Variants in CUBN observed in about 807,000 individuals in gnomAD.
CUBN encodes the protein 460 kDa receptor.
In CUBN, 282 loss-of-function variants were observed where a neutral mutation model predicts 405.3. The observed-to-expected ratio is 0.70, with a 90% confidence interval of 0.63 to 0.77. The LOEUF is 0.77. CUBN is among the 30% of genes least tolerant of loss of function. CUBN has a pLI of 0.00. For synonymous variants in CUBN, 1,684 were observed against 1,617.0 expected (o/e 1.04, Z -0.99); for missense variants, 4,514 against 4,475.2 (o/e 1.01, Z -0.25).
At chr10:17,120,466 A>G (rs1334138413) in intron 6 of CUBN, among the ~76,000 whole-genome samples, 1 of 152,258 alleles carries the variant, frequency 6.6e-6, no homozygotes, top group African/African-American at 2.4e-5. Flanking sequence ...GGCAGAGTCT[A>G]GGAATCAAGA....
intron 59 of CUBN, among the ~76,000 whole-genome samples, chr10:16,859,336 A>T (rs1839949377): frequency 6.6e-6 from 1 of 152,220 alleles, no homozygotes; most frequent in Admixed American, 6.5e-5. Flanking sequence ...ATATTTCACC[A>T]GAGAATAGAT....
intron 59 of CUBN, among the ~76,000 whole-genome samples, chr10:16,861,302 C>T (rs12573238): frequency 0.22 from 33,956 of 151,912 alleles, 4,607 homozygotes; most frequent in East Asian, 0.63. Flanking sequence ...GCTGGGACTA[C>T]AGGTGTGTGC....
intron 59 of CUBN, among the ~76,000 whole-genome samples, chr10:16,854,622 T>C (rs1484361343): frequency 1.3e-5 from 2 of 152,206 alleles, no homozygotes; most frequent in Admixed American, 1.3e-4. Flanking sequence ...CTGGGCATTA[T>C]TCTATTAATC....
intron 54 of CUBN, among the ~76,000 whole-genome samples, chr10:16,896,463 T>C (rs1256818056): frequency 6.6e-6 from 1 of 152,306 alleles, no homozygotes; most frequent in South Asian, 2.1e-4. Context: ...TTCCTTTGTT[T>C]CAGCACTTGA....
At position 17,085,755 on chromosome 10, in the gene CUBN, C is replaced by T. The variant is rs377078812; in HGVS notation, c.1952G>A (p.Arg651Gln). ...DDCNKDYLEI[R>Q]DGPLYQDPLL... is the part of the protein sequence containing the mutation. The stretch of plus-strand genomic sequence containing the variant: ...GGGGTCCTGATACAAAGGACCATCT[C>T]GAATCTAAAACAAAAGGATGAATCA... The change falls in exon 16 of 67, where the codon CGA becomes CAA. Residue 651 changes from arginine to glutamine, a missense_variant. Physicochemically the swap from Arg to Gln is conservative, Grantham distance 43. Around this residue, in one of 5 missense-constraint regions of CUBN, gnomAD observed 1,448 missense variants for 1,388.0 expected, o/e 1.04. Coordinates refer to ENST00000377833, the MANE Select transcript of CUBN (RefSeq NM_001081.4). The T allele has an allele frequency of 8.7e-6, 14 of 1,613,544 alleles. No homozygotes were observed. The highest frequency in any genetic ancestry group is 4.4e-5 in the South Asian group (4 of 91,044).
chr10:16,899,970 G>T (rs1206419402), intron 53 of CUBN, among the ~76,000 whole-genome samples: 1 of 152,162 alleles, frequency 6.6e-6, no homozygotes, highest in African/African-American at 2.4e-5. Flanking sequence ...ACAAGTCCTT[G>T]TATTTTCTGA....
chr10:16,919,800 T>C (rs564093498), intron 44 of CUBN, among the ~76,000 whole-genome samples, 163 bp downstream of exon 44: 1 of 151,922 alleles, frequency 6.6e-6, no homozygotes, highest in African/African-American at 2.4e-5. Flanking sequence ...GATGGGAGAG[T>C]GGCTGGCCGA....
chr10:16,938,057 T>C lies in CUBN; in HGVS notation c.5734-273A>G, dbSNP rs112223127. ...GAATCACTCATAAGATGATTTACAGTAAAATTTGTGGATGGAAAAATAGGA... is the reference window on the plus strand; with the variant it reads ...GAATCACTCATAAGATGATTTACAGCAAAATTTGTGGATGGAAAAATAGGA... On this transcript the variant is annotated intron_variant, in intron 38 of 66. Coordinates refer to ENST00000377833, the MANE Select transcript of CUBN (RefSeq NM_001081.4). 9.1e-4 allele frequency among the ~76,000 whole-genome samples: 138 copies of C among 152,284 alleles called. 1 individual carries two copies. Among genetic ancestry groups the C allele is most frequent in the Middle Eastern group, 3.4e-3 (1 of 294 alleles).
intron 15 of CUBN, among the ~76,000 whole-genome samples, chr10:17,087,310 G>A (rs370516531): frequency 4.6e-5 from 7 of 152,032 alleles, no homozygotes; most frequent in East Asian, 1.9e-4. Flanking sequence ...ACGTACAAAC[G>A]GCATTTGAAT....
chr10:17,122,935 G>T, intron 5 of CUBN, 37 bp from the exon 6 acceptor site: 1 of 1,397,354 alleles, frequency 7.2e-7, no homozygotes, highest in Non-Finnish European at 1.0e-6. Context: ...GGTGCCAAAG[G>T]TCACAGAGGT....
chr10:17,095,315 A>G (rs1430703320), intron 14 of CUBN, among the ~76,000 whole-genome samples: 2 of 152,098 alleles, frequency 1.3e-5, no homozygotes, highest in Non-Finnish European at 2.9e-5. Flanking sequence ...AACATACAGG[A>G]AAAGCCCTAT....
chr10:17,043,746 G>C, intron 26 of CUBN, 81 bp downstream of exon 26: 2 of 1,578,386 alleles, frequency 1.3e-6, no homozygotes, highest in Non-Finnish European at 1.7e-6. Context: ...TACTTACTCT[G>C]CCAGTATTCA....
chr10:17,044,931 C>G, intron 25 of CUBN, 76 bp downstream of exon 25: 1 of 1,409,002 alleles, frequency 7.1e-7, no homozygotes, highest in Non-Finnish European at 1.0e-6. Context: ...TCCTGAATCT[C>G]GAAAATAAAA....
chr10:16,951,043 T>C (rs1842908590), intron 33 of CUBN, among the ~76,000 whole-genome samples: 1 of 152,244 alleles, frequency 6.6e-6, no homozygotes, highest in African/African-American at 2.4e-5. Context: ...ACATTTTCTT[T>C]TTGTTGTTCT....
chr10:16,892,638 C>T (rs1211371411), intron 54 of CUBN, among the ~76,000 whole-genome samples: 1 of 152,010 alleles, frequency 6.6e-6, no homozygotes, highest in Admixed American at 6.6e-5. Flanking sequence ...ACTACAGGTG[C>T]GTGCAACCAT....
At chr10:17,003,220 G>A (rs1189436270) in intron 28 of CUBN, among the ~76,000 whole-genome samples, 3 of 152,144 alleles carry the variant, frequency 2.0e-5, no homozygotes, top group Non-Finnish European at 4.4e-5. Context: ...AGGTTACTTT[G>A]GAGGCGGATG....
chr10:17,080,631 A>C (rs554141382), intron 17 of CUBN, among the ~76,000 whole-genome samples: 1 of 152,262 alleles, frequency 6.6e-6, no homozygotes, highest in Admixed American at 6.5e-5. Context: ...ATGGGTGAAC[A>C]ATTCTACTCA....
intron 65 of CUBN, 75 bp from the exon 66 acceptor site, chr10:16,829,115 A>T (rs1838887574): frequency 9.2e-7 from 1 of 1,087,984 alleles, no homozygotes; most frequent in Admixed American, 2.0e-5. Flanking sequence ...AGGCAATAAG[A>T]CTTTATTTTC....
chr10:16,869,732 T>G lies in CUBN; in HGVS notation c.9358A>C (p.Asn3120His). The change falls in exon 59 of 67, where the codon AAT becomes CAT. Residue 3120 changes from asparagine (N) to histidine (H), a missense_variant. Physicochemically the swap from Asn to His is moderately conservative, Grantham distance 68 (BLOSUM62 1). This residue lies in a region of CUBN where 1,186 missense variants were observed against 1,186.9 expected (regional missense o/e 1.00). Coordinates refer to ENST00000377833, the MANE Select transcript of CUBN (RefSeq NM_001081.4). ...ATACTATTATTGCTGCTCTTCACAT[T>G]TGGTGGGCGCTTGGAACCGCAGAAT... ...GKFCGSKRPP[N>H]VKSSNNSMLL... The G allele has an allele frequency of 6.2e-7, 1 of 1,614,096 alleles. No homozygotes were observed. Among genetic ancestry groups the G allele is most frequent in the Non-Finnish European group, 8.5e-7 (1 of 1,179,988 alleles).
Sources: allele counts gnomAD v4.1 joint callset (sites outside exome capture counted in the v4.1 genomes callset), GRCh38; gene constraint gnomAD v4.1.1; regional missense constraint gnomAD v4.1.1; transcripts MANE v1.5; gene names NCBI Gene and HGNC (gene_info 2026-07-23, HGNC 2026-07-21).